XRCC6: variants seen among roughly 807,000 people sequenced by gnomAD.
XRCC6 encodes the protein DNA repair protein Ku70.
In XRCC6, 5 loss-of-function variants were observed where a neutral mutation model predicts 65.7. That is an observed-to-expected ratio of 0.08 (90% CI 0.04 to 0.16). The LOEUF (loss-of-function observed/expected upper bound fraction) is 0.16. Ranked by LOEUF, XRCC6 falls within the 10% of genes least tolerant of loss-of-function variation. The pLI is 1.00. For missense variants in XRCC6, 447 were observed against 738.1 expected (o/e 0.61, Z 4.57); for synonymous variants, 270 against 270.6 (o/e 1.00, Z 0.02).
chr22:41,627,609 C>CAAAA lies in XRCC6; in HGVS notation c.83-491_83-488dup, dbSNP rs71184821. Among the ~76,000 whole-genome samples, 911 of 97,334 alleles carry CAAAA rather than the reference C, an allele frequency of 9.4e-3. 27 individuals are homozygous for CAAAA. Among genetic ancestry groups the CAAAA allele is most frequent in the African/African-American group, 0.035 (846 of 23,938 alleles). The allele number at this position is 97,334 out of a possible 152,430, so 63.9% of individuals were successfully genotyped here. On this transcript the variant is annotated intron_variant, in intron 2 of 12. Coordinates refer to ENST00000360079, the MANE Select transcript of XRCC6 (RefSeq NM_001469.5). ...CTGGCAACAGAGCGAGACTCCGTCT[C>CAAAA]AAAAAAAAAAAAAAAAAAAAATAGA...
rs2068098471 is a variant in XRCC6 at position 41,661,455 on chromosome 22, G to A, written c.1636+11G>A. The A allele has an allele frequency of 1.1e-5, 18 of 1,610,018 alleles. No homozygotes were observed. Among genetic ancestry groups the A allele is most frequent in the Non-Finnish European group, 1.5e-5 (18 of 1,177,210 alleles). ...CCAAGAGAAAACACGGTGAGAAGCT[G>A]AATGTGGACATGTGGGCTATTTTTA... On this transcript the variant is annotated intron_variant, in intron 12 of 12. Coordinates refer to ENST00000360079, the MANE Select transcript of XRCC6 (RefSeq NM_001469.5).
In XRCC6 at chr22:41,653,572, G is replaced by T; in HGVS notation, c.1173G>T (p.Glu391Asp). 6.2e-7 allele frequency: 1 copy of T among 1,613,954 alleles called. No individual in the cohort carries two copies. Among genetic ancestry groups the T allele is most frequent in the Non-Finnish European group, 8.5e-7 (1 of 1,179,886 alleles). Residue 391 changes from glutamate (E) to aspartate (D), a missense_variant, in exon 9 of 13, where the codon GAG becomes GAT. Coordinates refer to ENST00000360079, the MANE Select transcript of XRCC6 (RefSeq NM_001469.5). ...LFSALLIKCLEKEVAALCRYT... is the reference protein window; with the variant it reads ...LFSALLIKCLDKEVAALCRYT... Reference sequence around the variant, plus strand: ...GTGCTCTGCTCATCAAGTGTCTGGAGAAGGAGGTTGCAGCATTGTGCAGAT... The same window carrying T: ...GTGCTCTGCTCATCAAGTGTCTGGATAAGGAGGTTGCAGCATTGTGCAGAT...
chr22:41,658,044 G>A (rs1415605634), intron 10 of XRCC6, among the ~76,000 whole-genome samples: 1 of 152,102 alleles, frequency 6.6e-6, no homozygotes, highest in Non-Finnish European at 1.5e-5. Context: ...AGCTGGTCTT[G>A]AACTGCTAGA....
intron 12 of XRCC6, among the ~76,000 whole-genome samples, chr22:41,662,558 T>A (rs1170661757): frequency 6.6e-6 from 1 of 152,072 alleles, no homozygotes; most frequent in Non-Finnish European, 1.5e-5. Flanking sequence ...GGCTGCAGAG[T>A]AGTTCATTGG....
chr22:41,626,574 C>T (rs2067675874), intron 2 of XRCC6, among the ~76,000 whole-genome samples: 3 of 152,094 alleles, frequency 2.0e-5, no homozygotes, highest in South Asian at 4.1e-4. Flanking sequence ...CCTGCCTCAG[C>T]CTCCTGATTA....
At chr22:41,647,241 G>A (rs1444359926) in intron 7 of XRCC6, among the ~76,000 whole-genome samples, 159 bp downstream of exon 7, 2 of 152,038 alleles carry the variant, frequency 1.3e-5, no homozygotes, top group Non-Finnish European at 2.9e-5. Context: ...TGGGATCACA[G>A]GCATGTGACA....
intron 9 of XRCC6, among the ~76,000 whole-genome samples, chr22:41,655,772 C>T (rs918142432): frequency 6.6e-6 from 1 of 151,392 alleles, no homozygotes; most frequent in Non-Finnish European, 1.5e-5. Flanking sequence ...CTATGTTGCC[C>T]AGGCTGGTCT....
chr22:41,653,496 A>G (rs914032691), intron 8 of XRCC6, 33 bp from the exon 9 acceptor site: 2 of 1,540,410 alleles, frequency 1.3e-6, no homozygotes, highest in Non-Finnish European at 1.8e-6. Context: ...AAACCTTTTT[A>G]GGAGGCTAGT....
chr22:41,638,865 C>G (rs1258392833), intron 6 of XRCC6, among the ~76,000 whole-genome samples: 1 of 150,366 alleles, frequency 6.7e-6, no homozygotes, highest in African/African-American at 2.5e-5. Context: ...ACTTACAAGA[C>G]TAGAAGTGGC....
In XRCC6 at chr22:41,622,245, G is replaced by A. The variant is rs192596818; in HGVS notation, c.82+159G>A. Among the ~76,000 whole-genome samples, 3 of 152,210 alleles carry A rather than the reference G, an allele frequency of 2.0e-5. No individual in the cohort carries two copies. In the East Asian group the frequency reaches 5.8e-4, roughly 29 times the overall value. On this transcript the variant is annotated intron_variant, in intron 2 of 12. Coordinates refer to ENST00000360079, the MANE Select transcript of XRCC6 (RefSeq NM_001469.5). ...TTTGAACTTCGCAGAGCTACCCTAG[G>A]CTCTTATATGCAGATCTTACTCTAG...
intron 3 of XRCC6, among the ~76,000 whole-genome samples, chr22:41,631,984 C>T (rs1235071258): frequency 6.6e-6 from 1 of 152,126 alleles, no homozygotes; most frequent in Non-Finnish European, 1.5e-5. Flanking sequence ...GAAAACCAGT[C>T]AGGCGTGGCG....
chr22:41,639,329 CTTTTTTTTTTTTTTTTTT>C (rs386395480), intron 6 of XRCC6, among the ~76,000 whole-genome samples: 2 of 64,560 alleles, frequency 3.1e-5, no homozygotes, highest in Admixed American at 2.6e-4. Context: ...GATTCTTTTT[CTTTTTTTTTTTTTTTTTT>C]TTTTTTTGAG....
intron 8 of XRCC6, among the ~76,000 whole-genome samples, chr22:41,653,184 A>T (rs781682896): frequency 6.6e-6 from 1 of 152,004 alleles, no homozygotes; most frequent in Non-Finnish European, 1.5e-5. Context: ...CTGGAGGATC[A>T]CTTGAGCCTA....
chr22:41,625,544 A>T (rs1348505342), intron 2 of XRCC6, among the ~76,000 whole-genome samples: 1 of 152,212 alleles, frequency 6.6e-6, no homozygotes, highest in Non-Finnish European at 1.5e-5. Context: ...GACATTATAT[A>T]CCTTTTTAGG....
intron 2 of XRCC6, among the ~76,000 whole-genome samples, chr22:41,626,936 A>T (rs886115618): frequency 6.6e-6 from 1 of 151,754 alleles, no homozygotes; most frequent in African/African-American, 2.4e-5. Flanking sequence ...CACTGCGCCC[A>T]GCCTAATGTT....
At chr22:41,649,838 CAA>C (rs755487589) in intron 7 of XRCC6, among the ~76,000 whole-genome samples, 6 of 67,572 alleles carry the variant, frequency 8.9e-5, no homozygotes, top group Admixed American at 2.3e-4. Context: ...GAGACTGTCT[CAA>C]AAAAAAAAAT....
intron 8 of XRCC6, among the ~76,000 whole-genome samples, chr22:41,652,755 G>T (rs2147108584): frequency 6.6e-6 from 1 of 152,114 alleles, no homozygotes; most frequent in South Asian, 2.1e-4. Flanking sequence ...CTCTCTGCAA[G>T]CTCCGCCTCC....
chr22:41,658,436 C>G, intron 11 of XRCC6, 84 bp downstream of exon 11: 4 of 1,280,032 alleles, frequency 3.1e-6, no homozygotes, highest in Non-Finnish European at 4.5e-6. Flanking sequence ...GGTGCATTTC[C>G]CAGTCCTCTC....
At chr22:41,662,977 A>G (rs999036226) in intron 12 of XRCC6, among the ~76,000 whole-genome samples, 2 of 152,172 alleles carry the variant, frequency 1.3e-5, no homozygotes, top group African/African-American at 4.8e-5. Flanking sequence ...ACTACCTGGG[A>G]GACTGAGGTA....
Sources: allele counts gnomAD v4.1 joint callset (sites outside exome capture counted in the v4.1 genomes callset), GRCh38; gene constraint gnomAD v4.1.1; transcripts MANE v1.5; gene names NCBI Gene and HGNC (gene_info 2026-07-23, HGNC 2026-07-21).